PPFIA2: variants seen among roughly 807,000 people sequenced by gnomAD.
PPFIA2 encodes the protein PPFI scaffold protein A2.
A neutral mutation model predicts 175.5 loss-of-function variants in PPFIA2; 46 were observed. That is an observed-to-expected ratio of 0.26 (90% CI 0.21 to 0.34). PPFIA2 has a LOEUF of 0.34. PPFIA2 is among the 10% of genes least tolerant of loss of function. PPFIA2 has a pLI of 1.00. For missense variants in PPFIA2, 1,179 were observed against 1,506.1 expected, an observed-to-expected ratio of 0.78 and a Z score of 3.60; for synonymous variants, 568 against 511.4, an observed-to-expected ratio of 1.11 and a Z score of -1.49.
chr12:81,623,031 G>T (rs1331612640), intron 4 of PPFIA2, among the ~76,000 whole-genome samples: 1 of 151,966 alleles, frequency 6.6e-6, no homozygotes, highest in Non-Finnish European at 1.5e-5. Flanking sequence ...ACATGTTTTT[G>T]GTTTTGCTTT....
Position 81,713,537 on chromosome 12 carries a change from C to A in PPFIA2, c.250-36693G>T, listed in dbSNP as rs1345293457. On this transcript the variant is annotated intron_variant, in intron 3 of 32. Coordinates refer to ENST00000549396, the MANE Select transcript of PPFIA2 (RefSeq NM_003625.5). ...ACTCTTCTACAGCTTCCATAGTCTG[C>A]AATTATGGCAGGGTCATAATGAAAA... Among the ~76,000 whole-genome samples the A allele has an allele frequency of 2.6e-5, 4 of 151,122 alleles. 1 individual carries two copies. Among genetic ancestry groups the A allele is most frequent in the Non-Finnish European group, 5.9e-5 (4 of 67,860 alleles).
At chr12:81,757,826 G>A (rs1048918515) in intron 2 of PPFIA2, among the ~76,000 whole-genome samples, 1 of 151,994 alleles carries the variant, frequency 6.6e-6, no homozygotes, top group Non-Finnish European at 1.5e-5. Flanking sequence ...ATATCACTAG[G>A]AATTCGGCCC....
chr12:81,630,740 G>A (rs146394354), intron 4 of PPFIA2, among the ~76,000 whole-genome samples: 153 of 151,856 alleles, frequency 1.0e-3, no homozygotes, highest in Middle Eastern at 3.4e-3. Flanking sequence ...TAATTTCTAC[G>A]GTAGCTCAAC....
At chr12:81,562,924 A>G (rs1157857876) in intron 4 of PPFIA2, among the ~76,000 whole-genome samples, 2 of 151,006 alleles carry the variant, frequency 1.3e-5, no homozygotes, top group Admixed American at 6.6e-5. Flanking sequence ...AATATTTCCA[A>G]TAGGATAATA....
At chr12:81,392,129 T>C (rs2040242457) in intron 8 of PPFIA2, among the ~76,000 whole-genome samples, 1 of 151,926 alleles carries the variant, frequency 6.6e-6, no homozygotes, top group Non-Finnish European at 1.5e-5. Context: ...AAAAATTACG[T>C]TGGCTTAGAC....
At chr12:81,266,775 C>G (rs138761330) in intron 30 of PPFIA2, among the ~76,000 whole-genome samples, 177 bp downstream of exon 30, 133 of 152,262 alleles carry the variant, frequency 8.7e-4, no homozygotes, top group African/African-American at 2.9e-3. Context: ...TAATATAGCT[C>G]TTTCCAAAAT....
chr12:81,712,885 T>A (rs1361418665), intron 3 of PPFIA2, among the ~76,000 whole-genome samples: 7 of 150,944 alleles, frequency 4.6e-5, no homozygotes, highest in African/African-American at 1.7e-4. Context: ...TTCAACCACA[T>A]CTCCAAGAGA....
chr12:81,311,622 A>T (rs564453738), intron 22 of PPFIA2, among the ~76,000 whole-genome samples: 5 of 150,978 alleles, frequency 3.3e-5, no homozygotes, highest in Non-Finnish European at 7.4e-5. Flanking sequence ...AGTCCCAGCT[A>T]CTCGGGAGGC....
rs1214460070 is a variant in PPFIA2, at chr12:81,502,144, CA to C, written c.304-44279del. Among the ~76,000 whole-genome samples the C allele has an allele frequency of 2.0e-5, 3 of 152,230 alleles. No homozygotes were observed. The East Asian group carries it at 5.8e-4, about 29-fold the overall frequency. ...TGAGAAGATCATACTGCTGCCACCA[CA>C]AGCATTTCACCACTGATAATTTTAA... On this transcript the variant is annotated intron_variant, in intron 4 of 32. Coordinates refer to ENST00000549396, the MANE Select transcript of PPFIA2 (RefSeq NM_003625.5).
chr12:81,514,426 C>T (rs185353218), intron 4 of PPFIA2, among the ~76,000 whole-genome samples: 231 of 152,040 alleles, frequency 1.5e-3, no homozygotes, highest in African/African-American at 5.2e-3. Flanking sequence ...ACACCTGTAA[C>T]TTTTCTTCTG....
At chr12:81,663,011 G>T (rs550922276) in intron 4 of PPFIA2, among the ~76,000 whole-genome samples, 29 of 152,282 alleles carry the variant, frequency 1.9e-4, no homozygotes, top group Non-Finnish European at 3.2e-4. Flanking sequence ...AGCCCTTCAT[G>T]CTAAAAACTC....
intron 4 of PPFIA2, among the ~76,000 whole-genome samples, chr12:81,568,331 C>T (rs73362511): frequency 6.6e-6 from 1 of 152,172 alleles, no homozygotes; most frequent in African/African-American, 2.4e-5. Context: ...CACCAAGGCA[C>T]TGTCCCTTGT....
rs117042011 is a variant in PPFIA2 at position 81,403,308 on chromosome 12, C to G, written c.762+2479G>C. Among the ~76,000 whole-genome samples the G allele has an allele frequency of 3.5e-3, 526 of 152,260 alleles. 2 individuals carry two copies. Among genetic ancestry groups the G allele is most frequent in the Admixed American group, 6.3e-3 (97 of 15,292 alleles). On this transcript the variant is annotated intron_variant, in intron 8 of 32. Transcript: ENST00000549396. ...TGTCTCAAAATCCTCCATATGTGCA[C>G]TTATATCTGTGAAGACCAATAGAGA...
intron 4 of PPFIA2, among the ~76,000 whole-genome samples, chr12:81,671,776 T>G (rs1328427897): frequency 6.6e-6 from 1 of 151,998 alleles, no homozygotes; most frequent in Non-Finnish European, 1.5e-5. Context: ...TTTTTACTTA[T>G]GCAGATGCTG....
intron 4 of PPFIA2, among the ~76,000 whole-genome samples, chr12:81,519,055 C>A (rs2062801151): frequency 1.3e-5 from 2 of 152,040 alleles, no homozygotes; most frequent in Non-Finnish European, 2.9e-5. Flanking sequence ...GTATTCTATT[C>A]TTTTTGTCAT....
intron 4 of PPFIA2, among the ~76,000 whole-genome samples, chr12:81,465,677 A>G (rs1006966054): frequency 1.3e-5 from 2 of 152,130 alleles, no homozygotes; most frequent in African/African-American, 4.8e-5. Context: ...CATGTAAAAA[A>G]ATATGTATGT....
intron 7 of PPFIA2, among the ~76,000 whole-genome samples, chr12:81,413,952 A>T (rs1279472964): frequency 1.3e-5 from 2 of 151,802 alleles, no homozygotes; most frequent in East Asian, 3.9e-4. Context: ...AGCTGTAATA[A>T]TAGCTATGTC....
At chr12:81,605,356 G>A (rs1026007356) in intron 4 of PPFIA2, among the ~76,000 whole-genome samples, 1 of 151,564 alleles carries the variant, frequency 6.6e-6, no homozygotes, top group African/African-American at 2.4e-5. Context: ...GAAGAACATA[G>A]TGGTGAAAGA....
chr12:81,329,232 T>C (rs1555269574), intron 21 of PPFIA2, among the ~76,000 whole-genome samples: 1 of 152,146 alleles, frequency 6.6e-6, no homozygotes, highest in Non-Finnish European at 1.5e-5. Flanking sequence ...ACTCCACCCC[T>C]TTCATGGCCT....
Sources: gnomAD v4.1 joint callset for allele counts (sites outside exome capture counted in the v4.1 genomes callset) on GRCh38, gnomAD v4.1.1 for gene constraint, MANE v1.5 for transcripts, NCBI Gene and HGNC (gene_info 2026-07-23, HGNC 2026-07-21) for gene names.